The following PLSCR5 variants were observed in gnomAD, a reference collection of about 807,000 sequenced individuals.
The protein encoded by PLSCR5 is phospholipid scramblase family, member 5.
PLSCR5 carries 44 observed loss-of-function variants against 33.6 expected under a neutral mutation model. That is an observed-to-expected ratio of 1.31 (90% CI 1.03 to 1.69). PLSCR5 has a LOEUF of 1.69. Among genes scored for constraint, PLSCR5 ranks in the 40% most tolerant of loss-of-function variants. PLSCR5 has a pLI of 0.00. For synonymous variants in PLSCR5, 148 were observed against 112.3 expected (o/e 1.32, Z -2.01); for missense variants, 375 against 318.7 (o/e 1.18, Z -1.34).
rs1425283810 is a variant in PLSCR5, at chr3:146,589,648, C to T, written c.777+5G>A. ...ATCACTCATGCTCTCAAAGCCCATA[C>T]TTACAAAGAGAAAACAGGCACCGAT... On this transcript the variant is annotated splice_donor_5th_base_variant and intron_variant, in intron 6 of 7. Transcript: ENST00000443512. The T allele has an allele frequency of 1.9e-6, 3 of 1,570,760 alleles. No homozygotes were observed. The highest frequency in any genetic ancestry group is 2.6e-6 in the Non-Finnish European group (3 of 1,150,388).
chr3:146,577,364 A>G (rs1204462975), intron 7 of PLSCR5, among the ~76,000 whole-genome samples: 3 of 152,066 alleles, frequency 2.0e-5, no homozygotes, highest in Non-Finnish European at 2.9e-5. Context: ...TGGCCTATAC[A>G]TTTCCTCTGA....
intron 2 of PLSCR5, among the ~76,000 whole-genome samples, chr3:146,597,812 A>G (rs557594157): frequency 1.3e-3 from 203 of 152,308 alleles, no homozygotes; most frequent in Non-Finnish European, 2.4e-3. Context: ...GATTAGATGT[A>G]TGGCTTAATA....
intron 7 of PLSCR5, among the ~76,000 whole-genome samples, chr3:146,578,510 G>A (rs1224076362): frequency 1.3e-5 from 2 of 151,958 alleles, no homozygotes. Flanking sequence ...ATTTCCTTGT[G>A]CCATTTCCTG....
chr3:146,591,646 A>G (rs1055785042), intron 5 of PLSCR5, 74 bp downstream of exon 5: 8 of 1,412,408 alleles, frequency 5.7e-6, no homozygotes, highest in Middle Eastern at 3.5e-4. Context: ...TAATTTGAAC[A>G]TAAAAAAATT....
chr3:146,590,746 T>C (rs555276220), intron 5 of PLSCR5, among the ~76,000 whole-genome samples: 1 of 152,194 alleles, frequency 6.6e-6, no homozygotes, highest in Non-Finnish European at 1.5e-5. Context: ...ACAGCTCAGT[T>C]TGCAAAATTT....
intron 5 of PLSCR5, among the ~76,000 whole-genome samples, chr3:146,591,471 T>A (rs1025458601): frequency 1.8e-4 from 27 of 152,186 alleles, no homozygotes; most frequent in African/African-American, 6.5e-4. Flanking sequence ...CACTGGTCTA[T>A]GACAGATATG....
At chr3:146,584,754 C>G (rs758076726), downstream of PLSCR5, among the ~76,000 whole-genome samples, 3 of 152,100 alleles carry the variant, frequency 2.0e-5, no homozygotes, top group Admixed American at 6.6e-5. Context: ...GAGCCTAGAA[C>G]TAAATTGATA....
rs969454522 is a variant in PLSCR5, at chr3:146,595,056, C to T, written c.217G>A (p.Val73Met). The T allele has an allele frequency of 8.7e-5, 125 of 1,432,644 alleles. 2 individuals carry two copies. In the East Asian group the frequency reaches 3.3e-3, roughly 37 times the overall value. The allele number at this position is 1,432,644 out of a possible 1,614,324, so 88.7% of individuals were successfully genotyped here. A position where few individuals can be genotyped will look rare whatever the true frequency, so the allele number is the denominator to read the frequency against. The change falls in exon 3 of 8, where the codon GTG becomes ATG. Residue 73 changes from valine to methionine, a missense_variant. Transcript: ENST00000443512. ...ATGCACTTACTTCCAAGCAGCTCCA[C>T]CTGCTGGTGTATAATTATCAGGTCT... is the stretch of plus-strand genomic sequence containing the variant. ...QLDLIIIHQQ[V>M]ELLGMILGTE...
chr3:146,592,239 A>G (rs2044721957), intron 4 of PLSCR5, among the ~76,000 whole-genome samples: 1 of 152,074 alleles, frequency 6.6e-6, no homozygotes, highest in Non-Finnish European at 1.5e-5. Flanking sequence ...GGTTACTCAT[A>G]TCTACTCCTT....
rs558999983 is a variant in PLSCR5 at position 146,600,853 on chromosome 3, G to A, written c.14-390C>T. On this transcript the variant is annotated intron_variant, in intron 1 of 7. Transcript: ENST00000443512. ...AACCAAAATGTGGAGAGTAATTATC[G>A]GTTACTTTATACATATATAAATTAT... is the stretch of plus-strand genomic sequence containing the variant. Among the ~76,000 whole-genome samples, 727 of 147,314 alleles carry A rather than the reference G, an allele frequency of 4.9e-3. 5 individuals carry two copies. The highest frequency in any genetic ancestry group is 7.8e-3 in the Non-Finnish European group (523 of 67,084).
chr3:146,602,254 T>C (rs1161648903), intron 1 of PLSCR5, among the ~76,000 whole-genome samples: 1 of 152,116 alleles, frequency 6.6e-6, no homozygotes, highest in Non-Finnish European at 1.5e-5. Context: ...AAAGACTATG[T>C]AACACTATGT....
At chr3:146,579,732 G>A (rs1041290954) in intron 7 of PLSCR5, among the ~76,000 whole-genome samples, 2 of 152,172 alleles carry the variant, frequency 1.3e-5, no homozygotes. Flanking sequence ...CCTAGAAGAT[G>A]CTTTGGCCAA....
At chr3:146,601,216 C>T (rs1427114627) in intron 1 of PLSCR5, among the ~76,000 whole-genome samples, 1 of 151,868 alleles carries the variant, frequency 6.6e-6, no homozygotes, top group Non-Finnish European at 1.5e-5. Context: ...ATTTACTTTG[C>T]ATTACTCTGT....
chr3:146,595,735 T>G (rs2044755363), intron 2 of PLSCR5, among the ~76,000 whole-genome samples: 1 of 152,246 alleles, frequency 6.6e-6, no homozygotes, highest in South Asian at 2.1e-4. Context: ...AATCTCTGAA[T>G]TATAATGTTT....
rs567500730 is a variant in PLSCR5 at position 146,603,402 on chromosome 3, A to T, written c.13+1798T>A. ...GCTTCATTATCACTTATATTCTCCT[A>T]GGTAGTATGAAGTCTCTAATAGGTG... On this transcript the variant is annotated intron_variant, in intron 1 of 7. Transcript: ENST00000443512. 6.6e-5 allele frequency among the ~76,000 whole-genome samples: 10 copies of T among 152,228 alleles called. No individual in the cohort carries two copies. In the South Asian group the frequency reaches 1.7e-3, roughly 25 times the overall value.
intron 7 of PLSCR5, among the ~76,000 whole-genome samples, chr3:146,578,277 C>T (rs930071805): frequency 3.4e-4 from 52 of 151,986 alleles, no homozygotes; most frequent in Non-Finnish European, 4.9e-4. Flanking sequence ...ACATTGGCTA[C>T]TTTATCTATT....
At chr3:146,577,403 C>A (rs1449825686) in intron 7 of PLSCR5, among the ~76,000 whole-genome samples, 1 of 151,854 alleles carries the variant, frequency 6.6e-6, no homozygotes, top group Non-Finnish European at 1.5e-5. Context: ...ATACAAATGA[C>A]CAAAAATGAG....
intron 4 of PLSCR5, among the ~76,000 whole-genome samples, chr3:146,593,093 T>C (rs989938169): frequency 1.3e-5 from 2 of 152,172 alleles, no homozygotes; most frequent in African/African-American, 2.4e-5. Context: ...CCAGTACTTA[T>C]CCACAGGTTC....
intron 7 of PLSCR5, among the ~76,000 whole-genome samples, chr3:146,577,707 C>T (rs989471693): frequency 6.6e-6 from 1 of 152,042 alleles, no homozygotes; most frequent in African/African-American, 2.4e-5. Context: ...TAGTGTTTCT[C>T]AGTTTATTAA....
Sources: gnomAD v4.1 joint callset for allele counts (sites outside exome capture counted in the v4.1 genomes callset) on GRCh38, gnomAD v4.1.1 for gene constraint, MANE v1.5 for transcripts, NCBI Gene and HGNC (gene_info 2026-07-23, HGNC 2026-07-21) for gene names.